GAS7: variants seen among roughly 807,000 people sequenced by gnomAD.
The protein encoded by GAS7 is growth arrest specific 7.
A neutral mutation model predicts 71.1 loss-of-function variants in GAS7; 28 were observed. That is an observed-to-expected ratio of 0.39 (90% CI 0.29 to 0.54). The LOEUF (loss-of-function observed/expected upper bound fraction) is 0.54, where lower values mean the gene tolerates loss of function less well. GAS7 is among the 20% of genes least tolerant of loss of function. GAS7 has a pLI of 0.62. For missense variants in GAS7, 436 were observed against 627.8 expected, an observed-to-expected ratio of 0.69 and a Z score of 3.27; for synonymous variants, 258 against 245.8, an observed-to-expected ratio of 1.05 and a Z score of -0.46.
At chr17:9,954,928 T>A (rs895311956) in intron 5 of GAS7, among the ~76,000 whole-genome samples, 3 of 151,834 alleles carry the variant, frequency 2.0e-5, no homozygotes, top group Admixed American at 6.6e-5. Context: ...TGGTGAGAGG[T>A]GTGTGCGCGC....
chr17:10,135,727 C>T (rs988220656), intron 1 of GAS7, among the ~76,000 whole-genome samples: 1 of 152,116 alleles, frequency 6.6e-6, no homozygotes, highest in African/African-American at 2.4e-5. Context: ...GCTTATGAGA[C>T]CCACTGCAGA....
At position 9,911,368 on chromosome 17, in the gene GAS7, G is replaced by A. The variant is rs765978337; in HGVS notation, c.*5860C>T. On this transcript the variant is annotated 3_prime_UTR_variant, in exon 14 of 14. Coordinates refer to ENST00000432992, the MANE Select transcript of GAS7 (RefSeq NM_201433.2). The surrounding 1 kb of genome is among the most constrained non-coding windows in gnomAD (Gnocchi z 4.0). ...CTAGGTCTCCCAGTCACCCCACCCC[G>A]AGAGAGCACCCACGTGCCCTGACCT... 7 of 233,368 alleles carry A rather than the reference G, an allele frequency of 3.0e-5. No homozygotes were observed. Among genetic ancestry groups the A allele is most frequent in the Non-Finnish European group, 5.9e-5 (7 of 118,378 alleles). The allele number at this position is 233,368 out of a possible 1,614,324, so 14.5% of individuals were successfully genotyped here.
At position 10,198,160 on chromosome 17, in the gene GAS7, C is replaced by G. The variant is rs763868501; in HGVS notation, c.183+48G>C. On this transcript the variant is annotated intron_variant, in intron 1 of 13. Coordinates refer to ENST00000432992, the MANE Select transcript of GAS7 (RefSeq NM_201433.2). ...AACGGGCAACAGGTACGCGAGCGCA[C>G]CGAGGACCGCAGCCCCGGCTCCTAC... is the stretch of plus-strand genomic sequence containing the variant. 5.1e-6 allele frequency: 8 copies of G among 1,562,884 alleles called. No individual in the cohort carries two copies. The East Asian group carries it at 1.8e-4, about 35-fold the overall frequency.
At chr17:10,138,710 T>C (rs1341998986) in intron 1 of GAS7, among the ~76,000 whole-genome samples, 1 of 151,818 alleles carries the variant, frequency 6.6e-6, no homozygotes, top group Non-Finnish European at 1.5e-5. Context: ...GAGGTTGCAG[T>C]AAGCCGAGAT....
chr17:10,063,273 T>C (rs893293815), intron 1 of GAS7, among the ~76,000 whole-genome samples: 13 of 152,060 alleles, frequency 8.5e-5, no homozygotes, highest in Admixed American at 2.0e-4. Context: ...CACGTGTGTG[T>C]GCGCGCGCAC....
intron 1 of GAS7, among the ~76,000 whole-genome samples, chr17:10,039,540 A>C (rs774437166): frequency 6.6e-6 from 1 of 152,096 alleles, no homozygotes; most frequent in Non-Finnish European, 1.5e-5. Context: ...AAAATTGGCT[A>C]GGCATGGTGG....
At chr17:10,183,921 A>T (rs777686865) in intron 1 of GAS7, among the ~76,000 whole-genome samples, 1 of 151,654 alleles carries the variant, frequency 6.6e-6, no homozygotes, top group Non-Finnish European at 1.5e-5. Context: ...TTGTACGCAG[A>T]CCTGCCACCC....
intron 1 of GAS7, among the ~76,000 whole-genome samples, chr17:10,090,356 G>A (rs1467074551): frequency 6.6e-6 from 1 of 152,172 alleles, no homozygotes; most frequent in African/African-American, 2.4e-5. Context: ...ACACACACCA[G>A]GATGCAATGT....
intron 1 of GAS7, among the ~76,000 whole-genome samples, chr17:10,128,261 T>C (rs1437331513): frequency 6.6e-6 from 1 of 152,296 alleles, no homozygotes; most frequent in East Asian, 1.9e-4. Context: ...AATTTCCTAA[T>C]CCCCTTCCTA....
intron 2 of GAS7, among the ~76,000 whole-genome samples, chr17:10,006,644 A>AC (rs962171325): frequency 1.3e-4 from 19 of 141,448 alleles, no homozygotes; most frequent in Non-Finnish European, 8.9e-5. Context: ...AAATTCTTTG[A>AC]CTTAGCCTCA....
At chr17:10,092,206 C>T (rs766263374) in intron 1 of GAS7, among the ~76,000 whole-genome samples, 11 of 152,176 alleles carry the variant, frequency 7.2e-5, no homozygotes, top group African/African-American at 2.7e-4. Context: ...AGGCTGCTCC[C>T]TCATTTCATT....
At position 10,191,156 on chromosome 17, in the gene GAS7, C is replaced by T. The variant is rs11867944; in HGVS notation, c.183+7052G>A. Among the ~76,000 whole-genome samples, 714 of 145,616 alleles carry T rather than the reference C, an allele frequency of 4.9e-3. 8 individuals are homozygous for T. Among genetic ancestry groups the T allele is most frequent in the African/African-American group, 0.017 (680 of 39,608 alleles). ...CGCCATTGTACTCCAGCCTGGGCAA[C>T]GAGAGCGGAACTCCGTCTCAAAAAA... On this transcript the variant is annotated intron_variant, in intron 1 of 13. Coordinates refer to ENST00000432992, the MANE Select transcript of GAS7 (RefSeq NM_201433.2).
intron 1 of GAS7, among the ~76,000 whole-genome samples, chr17:10,058,980 C>G (rs539016413): frequency 6.6e-6 from 1 of 152,342 alleles, no homozygotes; most frequent in East Asian, 1.9e-4. Context: ...GCTTGCAAAA[C>G]CAGAAAGGAA....
intron 1 of GAS7, among the ~76,000 whole-genome samples, chr17:10,027,563 C>G (rs964412255): frequency 1.3e-5 from 2 of 152,240 alleles, no homozygotes; most frequent in East Asian, 1.9e-4. Context: ...AGCAGCTTCA[C>G]GCGGTATTCA....
At chr17:9,958,031 C>T (rs571498973) in intron 5 of GAS7, among the ~76,000 whole-genome samples, 1 of 152,302 alleles carries the variant, frequency 6.6e-6, no homozygotes, top group Admixed American at 6.5e-5. Context: ...TATGCAGGCT[C>T]TGTTCTAAGT....
Position 9,919,393 on chromosome 17 carries a change from A to T in GAS7, c.1218+233T>A, listed in dbSNP as rs2067711530. ...TCAGGGGACAGCCCAAGAAGGATGT[A>T]GCCATATCCAACCCAACCCTGCCCA... On this transcript the variant is annotated intron_variant, in intron 12 of 13. Coordinates refer to ENST00000432992, the MANE Select transcript of GAS7 (RefSeq NM_201433.2). This position sits in a 1 kb window ranked among gnomAD's most constrained non-coding sequence, Gnocchi z 5.0. Among the ~76,000 whole-genome samples, 1 of 152,116 alleles carries T rather than the reference A, an allele frequency of 6.6e-6. No individual in the cohort carries two copies. Among genetic ancestry groups the T allele is most frequent in the African/African-American group, 2.4e-5 (1 of 41,416 alleles).
intron 1 of GAS7, among the ~76,000 whole-genome samples, chr17:10,084,018 C>T (rs555128961): frequency 2.0e-5 from 3 of 152,226 alleles, no homozygotes; most frequent in South Asian, 2.1e-4. Context: ...CAGGGACCTG[C>T]CCCTGCCTAC....
intron 5 of GAS7, among the ~76,000 whole-genome samples, chr17:9,953,547 C>T (rs1455522278): frequency 6.6e-6 from 1 of 152,176 alleles, no homozygotes; most frequent in Non-Finnish European, 1.5e-5. Context: ...ACAGCCTCAT[C>T]GTATATGAGG....
chr17:9,971,149 T>C (rs1421454897), intron 3 of GAS7, among the ~76,000 whole-genome samples: 1 of 152,150 alleles, frequency 6.6e-6, no homozygotes, highest in Non-Finnish European at 1.5e-5. Flanking sequence ...ATAATCCCAG[T>C]ACTTCGTGAG....
Sources: gnomAD v4.1 joint callset for allele counts (sites outside exome capture counted in the v4.1 genomes callset) on GRCh38, gnomAD v4.1.1 for gene constraint, Gnocchi (gnomAD v3.1) non-coding constraint, MANE v1.5 for transcripts, NCBI Gene and HGNC (gene_info 2026-07-23, HGNC 2026-07-21) for gene names.